The following AJAP1 variants were observed in gnomAD, a reference collection of about 807,000 sequenced individuals.
AJAP1 encodes adherens junctions associated protein 1.
Under a neutral mutation model 35.0 loss-of-function variants are expected in AJAP1, and 5 were observed. The observed-to-expected ratio is 0.14, with a 90% confidence interval of 0.07 to 0.30. The LOEUF is 0.30. Ranked by LOEUF, AJAP1 falls within the 10% of genes least tolerant of loss-of-function variation. The pLI, the probability that AJAP1 is intolerant of heterozygous loss-of-function variation, is 1.00. For synonymous variants in AJAP1, 284 were observed against 249.3 expected, an observed-to-expected ratio of 1.14 and a Z score of -1.31; for missense variants, 586 against 571.0, an observed-to-expected ratio of 1.03 and a Z score of -0.27.
At chr1:4,669,374 C>T (rs990501416) in intron 1 of AJAP1, among the ~76,000 whole-genome samples, 1 of 151,550 alleles carries the variant, frequency 6.6e-6, no homozygotes, top group African/African-American at 2.4e-5. Flanking sequence ...TTAATTGACT[C>T]ACAGTTCCGC....
intron 1 of AJAP1, among the ~76,000 whole-genome samples, chr1:4,679,821 G>GTGTGTT (rs1349293543): frequency 1.1e-5 from 1 of 93,668 alleles, no homozygotes; most frequent in African/African-American, 3.3e-5. Context: ...GTGTGTGTGT[G>GTGTGTT]TGTGTGTGTG....
intron 1 of AJAP1, among the ~76,000 whole-genome samples, chr1:4,704,096 T>C (rs1373745963): frequency 2.0e-5 from 3 of 151,886 alleles, no homozygotes; most frequent in Admixed American, 1.3e-4. Flanking sequence ...TTGTGGATAA[T>C]TACCCCCTTA....
intron 2 of AJAP1, among the ~76,000 whole-genome samples, chr1:4,748,394 G>A (rs2802721): frequency 0.46 from 69,376 of 151,996 alleles, 16,521 homozygotes; most frequent in Middle Eastern, 0.55. Context: ...CAAGGGGGAG[G>A]CACTGCCTAG....
intron 1 of AJAP1, among the ~76,000 whole-genome samples, chr1:4,663,621 C>T (rs2100506431): frequency 6.6e-6 from 1 of 152,270 alleles, no homozygotes; most frequent in East Asian, 1.9e-4. Context: ...CCCTCTTGTG[C>T]TGGCCCCATG....
Position 4,712,655 on chromosome 1 carries a change from A to G in AJAP1, c.785A>G (p.Asn262Ser). Residue 262 changes from asparagine to serine, a missense_variant, in exon 2 of 6, where the codon AAC becomes AGC. Asn to Ser is a conservative substitution (Grantham distance 46). Coordinates refer to ENST00000378191, the MANE Select transcript of AJAP1 (RefSeq NM_018836.4). Reference sequence around the variant, plus strand: ...GAGCCTTCCACCAGTCCCAGCAACAACGGGGAAGTCACCCAGCCCCCAAGG... The same window carrying G: ...GAGCCTTCCACCAGTCCCAGCAACAGCGGGGAAGTCACCCAGCCCCCAAGG... ...TTEPSTSPSNNGEVTQPPRIL... is the reference protein window; with the variant it reads ...TTEPSTSPSNSGEVTQPPRIL... 1 of 1,538,864 alleles carries G rather than the reference A, an allele frequency of 6.5e-7. No homozygotes were observed. The highest frequency in any genetic ancestry group is 1.4e-5 in the African/African-American group (1 of 72,436).
Position 4,792,260 on chromosome 1 carries a change from A to G in AJAP1, c.*9775A>G, listed in dbSNP as rs1157187734. The G allele has an allele frequency of 6.7e-6, 1 of 149,278 alleles. No individual in the cohort carries two copies. The allele number at this position is 149,278 out of a possible 1,614,324, so 9.2% of individuals were successfully genotyped here. A position where few individuals can be genotyped will look rare whatever the true frequency, so the allele number is the denominator to read the frequency against. On this transcript the variant is annotated 3_prime_UTR_variant, in exon 6 of 6. Coordinates refer to ENST00000378191, the MANE Select transcript of AJAP1 (RefSeq NM_018836.4). ...TGAGAGAGTTAACCTCCTGTAGTTT[A>G]ATGTTGTGTTTCTTTTCTTTAAATG...
intron 1 of AJAP1, among the ~76,000 whole-genome samples, chr1:4,681,958 A>G (rs1025612281): frequency 6.6e-6 from 1 of 152,158 alleles, no homozygotes; most frequent in African/African-American, 2.4e-5. Flanking sequence ...CCTCATAGCA[A>G]TCCTATAATG....
At chr1:4,708,583 G>C (rs1162485635) in intron 1 of AJAP1, among the ~76,000 whole-genome samples, 1 of 152,236 alleles carries the variant, frequency 6.6e-6, no homozygotes, top group Non-Finnish European at 1.5e-5. Flanking sequence ...AGCCGCCCAA[G>C]GGATGAGGAC....
rs1370481533 is a variant in AJAP1, at chr1:4,723,471, G to C, written c.829+10772G>C. On this transcript the variant is annotated intron_variant, in intron 2 of 5. Coordinates refer to ENST00000378191, the MANE Select transcript of AJAP1 (RefSeq NM_018836.4). The surrounding 1 kb of genome is among the most constrained non-coding windows in gnomAD (Gnocchi z 4.3). Reference sequence around the variant, plus strand: ...GGAGAATGAAGGGGCAATTGGGGGTGATAAGGAAGAGCCCACCGGGAGGAG... The same window carrying C: ...GGAGAATGAAGGGGCAATTGGGGGTCATAAGGAAGAGCCCACCGGGAGGAG... 6.6e-6 allele frequency among the ~76,000 whole-genome samples: 1 copy of C among 152,110 alleles called. No homozygotes were observed. The highest frequency in any genetic ancestry group is 1.5e-5 in the Non-Finnish European group (1 of 68,018).
intron 1 of AJAP1, among the ~76,000 whole-genome samples, chr1:4,668,001 G>A (rs1025049464): frequency 6.6e-6 from 1 of 152,126 alleles, no homozygotes; most frequent in Non-Finnish European, 1.5e-5. Flanking sequence ...GAAAACTTGA[G>A]GTCAGGAGTT....
At chr1:4,664,400 G>T (rs1345415103) in intron 1 of AJAP1, among the ~76,000 whole-genome samples, 1 of 152,172 alleles carries the variant, frequency 6.6e-6, no homozygotes, top group Non-Finnish European at 1.5e-5. Flanking sequence ...GAGGTGAAAA[G>T]GACATGCCTG....
chr1:4,775,742 A>T (rs902171583), intron 5 of AJAP1, among the ~76,000 whole-genome samples: 1 of 152,316 alleles, frequency 6.6e-6, no homozygotes, highest in Admixed American at 6.5e-5. Context: ...AGATTAGAAT[A>T]TGGGAACCGA....
chr1:4,684,554 T>C (rs1639564168), intron 1 of AJAP1, among the ~76,000 whole-genome samples: 1 of 152,138 alleles, frequency 6.6e-6, no homozygotes, highest in Non-Finnish European at 1.5e-5. Flanking sequence ...AGGAGCTGTT[T>C]CTCACCACTT....
At position 4,782,815 on chromosome 1, in the gene AJAP1, C is replaced by G; in HGVS notation, c.*330C>G. 1 of 398,630 alleles carries G rather than the reference C, an allele frequency of 2.5e-6. No individual in the cohort carries two copies. Among genetic ancestry groups the G allele is most frequent in the Non-Finnish European group, 4.4e-6 (1 of 226,096 alleles). The allele number at this position is 398,630 out of a possible 1,614,324, so 24.7% of individuals were successfully genotyped here. ...GAGGCAGAGAGACGAGGATACCCAG[C>G]GAAAGGGACGGGAGGAAGCATCCGA... is the stretch of plus-strand genomic sequence containing the variant. On this transcript the variant is annotated 3_prime_UTR_variant, in exon 6 of 6. Coordinates refer to ENST00000378191, the MANE Select transcript of AJAP1 (RefSeq NM_018836.4). This position sits in a 1 kb window ranked among gnomAD's most constrained non-coding sequence, Gnocchi z 5.3.
Position 4,693,981 on chromosome 1 carries a change from G to A in AJAP1, c.30-17919G>A, listed in dbSNP as rs749714576. Among the ~76,000 whole-genome samples the A allele has an allele frequency of 6.6e-6, 1 of 152,204 alleles. No individual in the cohort carries two copies. The highest frequency in any genetic ancestry group is 2.4e-5 in the African/African-American group (1 of 41,448). ...GACACTCCAGCCCACTGCAGTGCCG[G>A]GAAAAGTGAGGCCTCATTCACAAGG... On this transcript the variant is annotated intron_variant, in intron 1 of 5. Transcript: ENST00000378191. This position sits in a 1 kb window ranked among gnomAD's most constrained non-coding sequence, Gnocchi z 4.4.
At chr1:4,713,828 C>T (rs1161397694) in intron 2 of AJAP1, among the ~76,000 whole-genome samples, 1 of 152,262 alleles carries the variant, frequency 6.6e-6, no homozygotes, top group Non-Finnish European at 1.5e-5. Flanking sequence ...TCACAGCTTG[C>T]TTTCCACAAC....
chr1:4,769,899 G>A lies in AJAP1; in HGVS notation c.876G>A (p.Met292Ile). ...TCACCATCACCGTCTCCCTCATCAT[G>A]GTCATAGCTGCTCTCATCACAACTC... ...QIITITVSLI[M>I]VIAALITTLV... The change falls in exon 3 of 6, where the codon ATG (methionine) becomes ATA (isoleucine). Residue 292 changes from methionine to isoleucine, a missense_variant. Coordinates refer to ENST00000378191, the MANE Select transcript of AJAP1 (RefSeq NM_018836.4). 6.2e-7 allele frequency: 1 copy of A among 1,614,122 alleles called. No individual in the cohort carries two copies. The highest frequency in any genetic ancestry group is 2.2e-5 in the East Asian group (1 of 44,876).
intron 5 of AJAP1, among the ~76,000 whole-genome samples, chr1:4,779,071 G>A (rs896770395): frequency 9.9e-5 from 15 of 152,196 alleles, no homozygotes; most frequent in African/African-American, 3.1e-4. Context: ...AGATGTCACC[G>A]AGCAAGTGCT....
intron 2 of AJAP1, among the ~76,000 whole-genome samples, chr1:4,762,947 C>T (rs757647348): frequency 6.6e-6 from 1 of 152,106 alleles, no homozygotes; most frequent in Non-Finnish European, 1.5e-5. Context: ...GGTGTTAGCC[C>T]CATGACCTCT....
Sources: gnomAD v4.1 joint callset for allele counts (sites outside exome capture counted in the v4.1 genomes callset) on GRCh38, gnomAD v4.1.1 for gene constraint, Gnocchi (gnomAD v3.1) non-coding constraint, MANE v1.5 for transcripts, NCBI Gene and HGNC (gene_info 2026-07-23, HGNC 2026-07-21) for gene names.